The following SNX29 variants were observed in gnomAD, a reference collection of about 807,000 sequenced individuals.
SNX29 encodes the protein sorting nexin-29.
Under a neutral mutation model 102.1 loss-of-function variants are expected in SNX29, and 78 were observed. That is an observed-to-expected ratio of 0.76 (90% CI 0.64 to 0.92). The LOEUF is 0.92. SNX29 is among the 40% of genes least tolerant of loss of function. SNX29 has a pLI of 0.00. For synonymous variants in SNX29, 580 were observed against 414.5 expected (o/e 1.40, Z -4.85); for missense variants, 1,280 against 1,061.7 (o/e 1.21, Z -2.86).
At position 12,570,785 on chromosome 16, in the gene SNX29, G is replaced by GAC. The variant is rs397779903; in HGVS notation, c.*2156_*2157insAC. On this transcript the variant is annotated 3_prime_UTR_variant, in exon 21 of 21. Transcript: ENST00000566228. ...TTCTGCACATGATAATAATGCAACA[G>GAC]TCCCCCATTGCTGAGAGATACTAAC... The GAC allele has an allele frequency of 4.3e-6, 1 of 232,022 alleles. No homozygotes were observed. The highest frequency in any genetic ancestry group is 2.2e-5 in the African/African-American group (1 of 45,102). 14.4% of individuals were successfully genotyped at this position (232,022 alleles called of 1,614,324 possible). A position where few individuals can be genotyped will look rare whatever the true frequency, so the allele number is the denominator to read the frequency against.
chr16:12,463,795 A>G (rs1447336223), intron 18 of SNX29, among the ~76,000 whole-genome samples: 1 of 151,472 alleles, frequency 6.6e-6, no homozygotes, highest in Non-Finnish European at 1.5e-5. Context: ...TCAGATTAAC[A>G]TATCCACCAC....
intron 20 of SNX29, among the ~76,000 whole-genome samples, chr16:12,551,985 A>G (rs943679748): frequency 7.2e-5 from 11 of 152,180 alleles, no homozygotes; most frequent in African/African-American, 2.4e-4. Context: ...GTGCCATGTC[A>G]AAGTAGCTCC....
chr16:12,566,372 C>G (rs2079008466), intron 20 of SNX29, among the ~76,000 whole-genome samples: 1 of 152,042 alleles, frequency 6.6e-6, no homozygotes, highest in Non-Finnish European at 1.5e-5. Context: ...CTCTCCCAAC[C>G]AACAAGGCAC....
At chr16:12,191,343 C>G (rs1470053748) in intron 13 of SNX29, among the ~76,000 whole-genome samples, 1 of 152,198 alleles carries the variant, frequency 6.6e-6, no homozygotes, top group African/African-American at 2.4e-5. Context: ...CCAGTTTTCA[C>G]TCTGGAGTTG....
intron 16 of SNX29, among the ~76,000 whole-genome samples, chr16:12,382,970 C>T (rs2083225966): frequency 6.6e-6 from 1 of 152,154 alleles, no homozygotes; most frequent in African/African-American, 2.4e-5. Flanking sequence ...CACCTTTTTC[C>T]ACATTTACAA....
intron 18 of SNX29, among the ~76,000 whole-genome samples, chr16:12,476,332 A>C (rs1317223440): frequency 8.5e-6 from 1 of 117,330 alleles, no homozygotes; most frequent in Non-Finnish European, 1.7e-5. Flanking sequence ...AAGTGAGCAA[A>C]GGACACAGCG....
At chr16:12,053,506 G>C (rs2050392281) in intron 8 of SNX29, among the ~76,000 whole-genome samples, 1 of 152,008 alleles carries the variant, frequency 6.6e-6, no homozygotes, top group Admixed American at 6.6e-5. Context: ...ACCAGCCTGG[G>C]CAACACAGCA....
intron 15 of SNX29, among the ~76,000 whole-genome samples, chr16:12,353,142 CTG>C (rs1274080067): frequency 1.3e-5 from 2 of 152,188 alleles, no homozygotes; most frequent in African/African-American, 4.8e-5. Context: ...AGGATGTGAA[CTG>C]TGTGGCTCTC....
intron 12 of SNX29, among the ~76,000 whole-genome samples, chr16:12,128,412 G>C (rs1023321245): frequency 2.0e-5 from 3 of 151,478 alleles, no homozygotes; most frequent in Non-Finnish European, 4.4e-5. Flanking sequence ...TTCAGTGAAT[G>C]ATCAGAGTGT....
chr16:12,126,454 C>G (rs78324112), intron 11 of SNX29, among the ~76,000 whole-genome samples, 179 bp from the exon 12 acceptor site: 4 of 152,294 alleles, frequency 2.6e-5, no homozygotes, highest in Admixed American at 6.5e-5. Flanking sequence ...AGACTGTGCT[C>G]TAAAATCCAG....
rs745385678 is a variant in SNX29 at position 12,477,759 on chromosome 16, G to A, written c.2078G>A (p.Arg693His). Residue 693 changes from arginine (R) to histidine (H), a missense_variant, in exon 19 of 21, where the codon CGC becomes CAC. Arg to His is a conservative substitution (Grantham distance 29). Coordinates refer to ENST00000566228, the MANE Select transcript of SNX29 (RefSeq NM_032167.5). ...AAAGACGATGAATGGAATATTTATC[G>A]CCGGTATACAGAGTTCAGGAGTTTG... ...RIKDDEWNIY[R>H]RYTEFRSLHH... 4.3e-6 allele frequency: 7 copies of A among 1,612,910 alleles called. No homozygotes were observed. Among genetic ancestry groups the A allele is most frequent in the East Asian group, 2.2e-5 (1 of 44,868 alleles).
chr16:12,271,747 T>C (rs1386694629), intron 14 of SNX29, among the ~76,000 whole-genome samples: 1 of 151,894 alleles, frequency 6.6e-6, no homozygotes, highest in African/African-American at 2.4e-5. Flanking sequence ...CTAAGCCTCC[T>C]GAGTAGCTGG....
intron 20 of SNX29, among the ~76,000 whole-genome samples, chr16:12,544,174 C>T (rs1794313): frequency 3.6e-4 from 55 of 152,238 alleles, no homozygotes; most frequent in African/African-American, 9.9e-4. Context: ...GGATGGGAAT[C>T]GGTGGTGTGC....
At chr16:12,536,957 C>T (rs559182362) in intron 20 of SNX29, among the ~76,000 whole-genome samples, 22 of 151,982 alleles carry the variant, frequency 1.4e-4, no homozygotes, top group African/African-American at 2.2e-4. Flanking sequence ...GCCTAGGCGA[C>T]AGAGTGAGAG....
chr16:12,123,415 AG>A (rs1164039058), intron 11 of SNX29, among the ~76,000 whole-genome samples: 1 of 152,162 alleles, frequency 6.6e-6, no homozygotes, highest in African/African-American at 2.4e-5. Flanking sequence ...AAATTATAAG[AG>A]GTACATTTTG....
chr16:12,110,283 T>C (rs1037753676), intron 11 of SNX29, among the ~76,000 whole-genome samples: 1 of 152,056 alleles, frequency 6.6e-6, no homozygotes, highest in Non-Finnish European at 1.5e-5. Context: ...TTTCCTGGGG[T>C]GAGGCAGCCC....
At chr16:12,046,308 T>A (rs1001871699) in intron 5 of SNX29, 76 bp from the exon 6 acceptor site, 2 of 1,470,336 alleles carry the variant, frequency 1.4e-6, no homozygotes, top group African/African-American at 2.8e-5. Flanking sequence ...CAGGGAGCCG[T>A]CTAATGGAAT....
At chr16:12,553,510 A>C (rs1048461008) in intron 20 of SNX29, among the ~76,000 whole-genome samples, 1 of 152,130 alleles carries the variant, frequency 6.6e-6, no homozygotes, top group Non-Finnish European at 1.5e-5. Context: ...CACACTTGCC[A>C]TCACAGTGCT....
intron 20 of SNX29, among the ~76,000 whole-genome samples, chr16:12,550,687 A>T (rs2077918450): frequency 6.6e-6 from 1 of 152,206 alleles, no homozygotes; most frequent in African/African-American, 2.4e-5. Context: ...TCACTTTTTC[A>T]TGTATTCACC....
Sources: allele counts gnomAD v4.1 joint callset (sites outside exome capture counted in the v4.1 genomes callset), GRCh38; gene constraint gnomAD v4.1.1; transcripts MANE v1.5; gene names NCBI Gene and HGNC (gene_info 2026-07-23, HGNC 2026-07-21).